The following OTOGL variants were observed in gnomAD, a reference collection of about 807,000 sequenced individuals.
The protein encoded by OTOGL is otogelin-like protein.
A neutral mutation model predicts 318.5 loss-of-function variants in OTOGL; 285 were observed. The ratio of observed to expected loss-of-function variants is 0.89; its 90% CI spans 0.81 to 0.99. The LOEUF (loss-of-function observed/expected upper bound fraction) is 0.99, where lower values mean the gene tolerates loss of function less well. Ranked by LOEUF, OTOGL falls within the 50% of genes least tolerant of loss-of-function variation. The pLI, the probability that OTOGL is intolerant of heterozygous loss-of-function variation, is 0.00. For synonymous variants in OTOGL, 987 were observed against 936.5 expected (o/e 1.05, Z -0.99); for missense variants, 2,899 against 2,845.6 (o/e 1.02, Z -0.43).
At chr12:80,148,918 C>A (rs561828389) in intron 1 of OTOGL, among the ~76,000 whole-genome samples, 4 of 152,148 alleles carry the variant, frequency 2.6e-5, no homozygotes, top group Non-Finnish European at 4.4e-5. Context: ...CTCCTTTAAG[C>A]ACTTCTCTGT....
intron 7 of OTOGL, among the ~76,000 whole-genome samples, chr12:80,225,114 T>C (rs1878709629): frequency 6.6e-6 from 1 of 152,066 alleles, no homozygotes; most frequent in Non-Finnish European, 1.5e-5. Context: ...ATGAGATATA[T>C]TGAAAGTTCA....
intron 29 of OTOGL, among the ~76,000 whole-genome samples, chr12:80,308,294 G>T (rs1007217325): frequency 4.0e-5 from 6 of 151,340 alleles, no homozygotes; most frequent in Non-Finnish European, 8.8e-5. Context: ...CTCAGACCGG[G>T]CGGTTGCCAG....
intron 24 of OTOGL, among the ~76,000 whole-genome samples, chr12:80,276,980 G>T (rs1205361506): frequency 6.6e-6 from 1 of 150,804 alleles, no homozygotes; most frequent in South Asian, 2.1e-4. Flanking sequence ...AAGAATTCAG[G>T]GTTCCTGAAT....
At chr12:80,314,141 G>A (rs1237203765) in intron 31 of OTOGL, among the ~76,000 whole-genome samples, 164 bp from the exon 32 acceptor site, 1 of 152,004 alleles carries the variant, frequency 6.6e-6, no homozygotes, top group Non-Finnish European at 1.5e-5. Flanking sequence ...ATTAATTACA[G>A]CATATCGCTT....
chr12:80,150,148 T>C (rs1872693682), intron 1 of OTOGL, among the ~76,000 whole-genome samples: 1 of 152,228 alleles, frequency 6.6e-6, no homozygotes, highest in Non-Finnish European at 1.5e-5. Context: ...GACTTTGCTC[T>C]CTCTCAAATA....
At chr12:80,122,681 T>C (rs1352402506) in intron 1 of OTOGL, among the ~76,000 whole-genome samples, 1 of 152,118 alleles carries the variant, frequency 6.6e-6, no homozygotes. Flanking sequence ...GATGCTGTCT[T>C]TTACCTTTCT....
At chr12:80,212,096 A>C (rs897149086) in intron 4 of OTOGL, 99 bp downstream of exon 4, 1 of 1,223,204 alleles carries the variant, frequency 8.2e-7, no homozygotes, top group East Asian at 2.6e-5. Context: ...GGAGGGGAAT[A>C]AAATGCTAAG....
At chr12:80,313,162 C>A (rs965002351) in intron 30 of OTOGL, among the ~76,000 whole-genome samples, 1 of 152,014 alleles carries the variant, frequency 6.6e-6, no homozygotes, top group African/African-American at 2.4e-5. Flanking sequence ...AGAAGGTGCC[C>A]TTATTTTAAT....
intron 1 of OTOGL, among the ~76,000 whole-genome samples, chr12:80,159,958 CA>C (rs1873392352): frequency 6.6e-6 from 1 of 151,960 alleles, no homozygotes; most frequent in Non-Finnish European, 1.5e-5. Flanking sequence ...TACTCACAGC[CA>C]AATGATTTTT....
rs370905822 is a variant in OTOGL, at chr12:80,313,567, C to G, written c.3542C>G (p.Ala1181Gly). 61 of 1,611,988 alleles carry G rather than the reference C, an allele frequency of 3.8e-5. No individual in the cohort carries two copies. The highest frequency in any genetic ancestry group is 4.8e-5 in the Non-Finnish European group (57 of 1,178,448). The change falls in exon 31 of 59, where the codon GCT becomes GGT. Residue 1181 changes from alanine (A) to glycine (G), a missense_variant. Ala to Gly is a moderately conservative substitution (Grantham distance 60, BLOSUM62 0). Around this residue, in one of 3 missense-constraint regions of OTOGL, gnomAD observed 2,607 missense variants for 2,524.9 expected, o/e 1.03. Coordinates refer to ENST00000547103, the MANE Select transcript of OTOGL (RefSeq NM_001378609.3). ...TGTGAGTGTTTGTGCACTAGTATAG[C>G]TGCATATGCATACAAGTGTTGTCAG... ...GDCECLCTSI[A>G]AYAYKCCQEG...
intron 1 of OTOGL, among the ~76,000 whole-genome samples, chr12:80,117,137 G>A (rs1268495711): frequency 2.0e-5 from 3 of 151,988 alleles, no homozygotes; most frequent in Admixed American, 6.5e-5. Flanking sequence ...AGACAAATGG[G>A]GCCTGGAGTA....
intron 1 of OTOGL, among the ~76,000 whole-genome samples, chr12:80,112,556 G>T (rs763155614): frequency 2.1e-4 from 32 of 152,090 alleles, no homozygotes; most frequent in Non-Finnish European, 4.3e-4. Flanking sequence ...TTATTGATTT[G>T]TGCATGTTGA....
intron 1 of OTOGL, among the ~76,000 whole-genome samples, chr12:80,138,539 C>T (rs995928358): frequency 6.6e-6 from 1 of 152,012 alleles, no homozygotes; most frequent in Non-Finnish European, 1.5e-5. Flanking sequence ...GGATTTTTTT[C>T]ATCCCCTATA....
chr12:80,194,305 T>A (rs565601032), intron 1 of OTOGL, among the ~76,000 whole-genome samples: 2 of 152,316 alleles, frequency 1.3e-5, no homozygotes, highest in African/African-American at 2.4e-5. Flanking sequence ...TTCTGTGGGA[T>A]CTCCAATAAC....
intron 1 of OTOGL, among the ~76,000 whole-genome samples, chr12:80,115,499 G>A (rs1317885995): frequency 1.3e-5 from 2 of 152,088 alleles, no homozygotes; most frequent in African/African-American, 4.8e-5. Context: ...TCTGGGAAGT[G>A]TCTCCCCATC....
At chr12:80,265,521 T>C in intron 20 of OTOGL, 1 of 360,114 alleles carries the variant, frequency 2.8e-6, no homozygotes, top group Non-Finnish European at 5.3e-6. Context: ...ATCTAAATAT[T>C]GGAAAGTATG....
intron 1 of OTOGL, among the ~76,000 whole-genome samples, chr12:80,175,036 T>G (rs1156745000): frequency 6.6e-6 from 1 of 151,988 alleles, no homozygotes; most frequent in Non-Finnish European, 1.5e-5. Context: ...CAGAAGGGTG[T>G]CTTATCAAAA....
Position 80,214,213 on chromosome 12 carries a change from G to A in OTOGL, c.168+2216G>A, listed in dbSNP as rs79567448. Among the ~76,000 whole-genome samples, 4 of 152,300 alleles carry A rather than the reference G, an allele frequency of 2.6e-5. No homozygotes were observed. In the East Asian group the frequency reaches 7.7e-4, roughly 29 times the overall value. ...AGCAGGCCCTAAGACATAGACTTAG[G>A]TGCAGGTCATTTATTTGGAAAGTGT... On this transcript the variant is annotated intron_variant, in intron 4 of 58. Coordinates refer to ENST00000547103, the MANE Select transcript of OTOGL (RefSeq NM_001378609.3).
intron 57 of OTOGL, among the ~76,000 whole-genome samples, chr12:80,376,748 T>C (rs1464182379): frequency 6.6e-6 from 1 of 152,156 alleles, no homozygotes; most frequent in East Asian, 1.9e-4. Context: ...TACATATGCA[T>C]ATATCTACTT....
Sources: allele counts gnomAD v4.1 joint callset (sites outside exome capture counted in the v4.1 genomes callset), GRCh38; gene constraint gnomAD v4.1.1; regional missense constraint gnomAD v4.1.1; transcripts MANE v1.5; gene names NCBI Gene and HGNC (gene_info 2026-07-23, HGNC 2026-07-21).